LINGO2: variants seen among roughly 807,000 people sequenced by gnomAD.
LINGO2 encodes leucine-rich repeat and immunoglobulin-like domain-containing nogo receptor-interacting protein 2.
Under a neutral mutation model 30.6 loss-of-function variants are expected in LINGO2, and 14 were observed. The ratio of observed to expected loss-of-function variants is 0.46; its 90% CI spans 0.30 to 0.72. LINGO2 has a LOEUF of 0.72. Ranked by LOEUF, LINGO2 falls within the 30% of genes least tolerant of loss-of-function variation. LINGO2 has a pLI of 0.07. For synonymous variants in LINGO2, 317 were observed against 288.5 expected (o/e 1.10, Z -1.00); for missense variants, 729 against 751.7 (o/e 0.97, Z 0.35).
Position 28,648,835 on chromosome 9 carries a change from G to A in LINGO2, c.-365+21365C>T, listed in dbSNP as rs530848023. ...TTCTACACAGTAGTTACAGGCAAAG[G>A]ATCTACCAGAATGTACCTTCTGTTG... On this transcript the variant is annotated intron_variant, in intron 1 of 5. Coordinates refer to ENST00000379992, the Ensembl canonical transcript of LINGO2. 1.5e-4 allele frequency among the ~76,000 whole-genome samples: 23 copies of A among 152,154 alleles called. No individual in the cohort carries two copies. The South Asian group carries it at 4.4e-3, about 29-fold the overall frequency.
intron 4 of LINGO2, among the ~76,000 whole-genome samples, chr9:28,033,403 G>C (rs1017277490): frequency 2.0e-5 from 3 of 152,106 alleles, no homozygotes; most frequent in Non-Finnish European, 4.4e-5. Context: ...GTCATCAAAG[G>C]TTCTTGCCCA....
chr9:28,449,112 C>T (rs1824547247), intron 2 of LINGO2, among the ~76,000 whole-genome samples: 1 of 147,044 alleles, frequency 6.8e-6, no homozygotes, highest in African/African-American at 2.5e-5. Flanking sequence ...TTAATATTGG[C>T]CTTTTCTATA....
At chr9:28,622,528 A>G (rs1826450573) in intron 1 of LINGO2, among the ~76,000 whole-genome samples, 1 of 151,864 alleles carries the variant, frequency 6.6e-6, no homozygotes, top group Non-Finnish European at 1.5e-5. Flanking sequence ...ACTGGATCTC[A>G]TTATTTATTT....
At chr9:28,021,881 G>A (rs1823144608) in intron 4 of LINGO2, among the ~76,000 whole-genome samples, 1 of 151,844 alleles carries the variant, frequency 6.6e-6, no homozygotes, top group Non-Finnish European at 1.5e-5. Flanking sequence ...GGGTTTTCTT[G>A]CAGATGACAT....
intron 4 of LINGO2, among the ~76,000 whole-genome samples, chr9:28,176,680 A>G (rs1564020092): frequency 6.6e-6 from 1 of 152,196 alleles, no homozygotes; most frequent in Non-Finnish European, 1.5e-5. Flanking sequence ...TCTATATTGA[A>G]GATAAGGAAA....
the LINGO2 span, among the ~76,000 whole-genome samples, chr9:28,719,196 T>G: frequency 6.6e-6 from 1 of 152,020 alleles, no homozygotes. Context: ...TTCCTCTCAT[T>G]TGAGAGCACA....
chr9:28,043,085 C>A (rs907171681), intron 4 of LINGO2, among the ~76,000 whole-genome samples: 1 of 152,154 alleles, frequency 6.6e-6, no homozygotes, highest in Non-Finnish European at 1.5e-5. Context: ...CTGGGCTAAG[C>A]CCCTGGTGTT....
At chr9:28,469,058 G>A (rs1825420387) in intron 2 of LINGO2, among the ~76,000 whole-genome samples, 1 of 151,752 alleles carries the variant, frequency 6.6e-6, no homozygotes, top group Admixed American at 6.6e-5. Flanking sequence ...GAAAATTCAA[G>A]GAAGTAGAGA....
At chr9:27,961,163 C>T (rs545517367) in intron 5 of LINGO2, among the ~76,000 whole-genome samples, 3 of 152,166 alleles carry the variant, frequency 2.0e-5, no homozygotes, top group African/African-American at 7.2e-5. Flanking sequence ...TATTGTCCAC[C>T]TTTAGGGTAA....
At chr9:28,462,244 T>G (rs929459984) in intron 2 of LINGO2, among the ~76,000 whole-genome samples, 10 of 151,968 alleles carry the variant, frequency 6.6e-5, no homozygotes, top group African/African-American at 2.2e-4. Flanking sequence ...TAGTAACTGT[T>G]GCAGAATCCC....
At chr9:28,041,197 T>G (rs990121750) in intron 4 of LINGO2, among the ~76,000 whole-genome samples, 4 of 152,192 alleles carry the variant, frequency 2.6e-5, no homozygotes, top group Non-Finnish European at 4.4e-5. Context: ...CTATTGCACC[T>G]CATAAACTGT....
At chr9:28,512,578 A>G (rs1220890460) in intron 1 of LINGO2, among the ~76,000 whole-genome samples, 1 of 114,726 alleles carries the variant, frequency 8.7e-6, no homozygotes, top group African/African-American at 3.6e-5. Context: ...CAGAACTAAC[A>G]GGATATATAT....
chr9:28,444,578 A>T (rs1365848165), intron 2 of LINGO2, among the ~76,000 whole-genome samples: 1 of 152,224 alleles, frequency 6.6e-6, no homozygotes, highest in Non-Finnish European at 1.5e-5. Flanking sequence ...CAGGGCTGTG[A>T]CAGGCTGTAT....
chr9:29,085,941 T>C, the LINGO2 span, among the ~76,000 whole-genome samples: 442 of 152,242 alleles, frequency 2.9e-3, 2 homozygotes, highest in Middle Eastern at 6.8e-3. Context: ...TCCAAATCCG[T>C]CTTATCATAG....
chr9:27,978,526 T>A (rs2891309), intron 5 of LINGO2, among the ~76,000 whole-genome samples: 10 of 151,798 alleles, frequency 6.6e-5, no homozygotes, highest in African/African-American at 2.2e-4. Flanking sequence ...CTTTCCACCA[T>A]GTGAGGACAC....
chr9:28,848,111 C>CTATAT, the LINGO2 span, among the ~76,000 whole-genome samples: 1 of 43,866 alleles, frequency 2.3e-5, no homozygotes, highest in African/African-American at 9.4e-5. Context: ...TGTATATATA[C>CTATAT]ACACTATATA....
At chr9:28,941,714 T>C in the LINGO2 span, among the ~76,000 whole-genome samples, 1 of 152,164 alleles carries the variant, frequency 6.6e-6, no homozygotes, top group African/African-American at 2.4e-5. Context: ...AAACAAATTT[T>C]TGTGTGTATA....
chr9:28,956,275 G>A, the LINGO2 span, among the ~76,000 whole-genome samples: 18 of 152,102 alleles, frequency 1.2e-4, no homozygotes, highest in Non-Finnish European at 1.8e-4. Flanking sequence ...GTTGGAGAGG[G>A]GAAAAAAACA....
chr9:28,420,737 C>G (rs950251489), intron 2 of LINGO2, among the ~76,000 whole-genome samples: 1 of 152,050 alleles, frequency 6.6e-6, no homozygotes, highest in South Asian at 2.1e-4. Flanking sequence ...AAATTTTTAC[C>G]ATCACTCCTT....
Sources: allele counts gnomAD v4.1 joint callset (sites outside exome capture counted in the v4.1 genomes callset), GRCh38; gene constraint gnomAD v4.1.1; transcripts MANE v1.5; gene names NCBI Gene and HGNC (gene_info 2026-07-23, HGNC 2026-07-21).